The following LRP1B variants were observed in gnomAD, a reference collection of about 807,000 sequenced individuals.
The protein encoded by LRP1B is LDL receptor related protein 1B, also known as low-density lipoprotein receptor-related protein 1B.
In LRP1B, 217 loss-of-function variants were observed where a neutral mutation model predicts 556.6. That is an observed-to-expected ratio of 0.39 (90% CI 0.35 to 0.44). LRP1B has a LOEUF of 0.44. LRP1B is among the 20% of genes least tolerant of loss of function. The pLI, the probability that LRP1B is intolerant of heterozygous loss-of-function variation, is 1.00. For synonymous variants in LRP1B, 2,047 were observed against 1,865.8 expected, an observed-to-expected ratio of 1.10 and a Z score of -2.50; for missense variants, 5,053 against 5,620.8, an observed-to-expected ratio of 0.90 and a Z score of 3.23.
chr2:140,418,813 A>G (rs1685309095), intron 66 of LRP1B, among the ~76,000 whole-genome samples: 1 of 152,118 alleles, frequency 6.6e-6, no homozygotes, highest in East Asian at 1.9e-4. Flanking sequence ...TGTGGCTTGA[A>G]TCATCCCAAA....
chr2:140,234,524 A>C (rs1031863807), intron 90 of LRP1B, among the ~76,000 whole-genome samples: 2 of 151,310 alleles, frequency 1.3e-5, no homozygotes, highest in Admixed American at 1.3e-4. Context: ...ACAAATACTC[A>C]TGTTCACTGT....
intron 2 of LRP1B, among the ~76,000 whole-genome samples, chr2:141,703,180 T>C (rs1692008244): frequency 6.6e-6 from 1 of 151,890 alleles, no homozygotes; most frequent in Non-Finnish European, 1.5e-5. Context: ...ATTAGAAAAG[T>C]GTATGAATAA....
At chr2:142,029,357 A>G (rs1047753457) in intron 1 of LRP1B, among the ~76,000 whole-genome samples, 4 of 151,918 alleles carry the variant, frequency 2.6e-5, no homozygotes, top group African/African-American at 9.7e-5. Context: ...CTTTACTGAA[A>G]GTTGGCCAAG....
chr2:140,432,214 C>T (rs1179851128), intron 66 of LRP1B, among the ~76,000 whole-genome samples: 1 of 152,152 alleles, frequency 6.6e-6, no homozygotes, highest in African/African-American at 2.4e-5. Context: ...CCCACATCTG[C>T]CCACCAGAGA....
intron 6 of LRP1B, among the ~76,000 whole-genome samples, chr2:141,196,273 C>T (rs34452078): frequency 0.034 from 5,161 of 152,120 alleles, 142 homozygotes; most frequent in South Asian, 0.059. Flanking sequence ...ATTGTTTTGG[C>T]TACGTCAAGT....
chr2:142,088,993 A>T (rs5020563), intron 1 of LRP1B, among the ~76,000 whole-genome samples: 1 of 62,808 alleles, frequency 1.6e-5, no homozygotes, highest in African/African-American at 5.5e-5. Context: ...AAAAAAAAAA[A>T]AAAGAAAAAG....
At chr2:141,021,469 T>C (rs1698062236) in intron 11 of LRP1B, among the ~76,000 whole-genome samples, 1 of 152,016 alleles carries the variant, frequency 6.6e-6, no homozygotes, top group African/African-American at 2.4e-5. Context: ...TGCCTATGCT[T>C]AGAAAAAGAA....
chr2:141,895,799 A>G (rs894417678), intron 1 of LRP1B, among the ~76,000 whole-genome samples: 1 of 152,172 alleles, frequency 6.6e-6, no homozygotes, highest in African/African-American at 2.4e-5. Context: ...GACACATTTT[A>G]TGCTGTTGAG....
intron 1 of LRP1B, among the ~76,000 whole-genome samples, chr2:141,903,812 T>C (rs1161096662): frequency 1.3e-5 from 2 of 151,928 alleles, no homozygotes; most frequent in Middle Eastern, 3.2e-3. Context: ...AACAGTATTA[T>C]AAAGAAACAA....
intron 3 of LRP1B, among the ~76,000 whole-genome samples, chr2:141,462,780 A>C (rs1681933017): frequency 6.6e-6 from 1 of 151,886 alleles, no homozygotes; most frequent in Non-Finnish European, 1.5e-5. Flanking sequence ...TATTGTTACT[A>C]TACTAGTAGT....
At chr2:141,842,588 C>T (rs1697511967) in intron 1 of LRP1B, among the ~76,000 whole-genome samples, 1 of 152,002 alleles carries the variant, frequency 6.6e-6, no homozygotes, top group South Asian at 2.1e-4. Flanking sequence ...TTAAATGTGT[C>T]AATTATGATT....
intron 1 of LRP1B, among the ~76,000 whole-genome samples, chr2:141,861,299 C>T (rs1698231482): frequency 6.6e-6 from 1 of 152,164 alleles, no homozygotes; most frequent in South Asian, 2.1e-4. Context: ...ACCAATAGGA[C>T]TCTGTCTGGA....
chr2:141,819,297 T>A (rs1696677872), intron 1 of LRP1B, among the ~76,000 whole-genome samples: 1 of 152,088 alleles, frequency 6.6e-6, no homozygotes, highest in Admixed American at 6.6e-5. Flanking sequence ...ACTTTTTCTT[T>A]CTCTATCACT....
intron 35 of LRP1B, among the ~76,000 whole-genome samples, chr2:140,768,409 C>T (rs980527228): frequency 6.6e-6 from 1 of 151,922 alleles, no homozygotes; most frequent in South Asian, 2.1e-4. Context: ...CGTGGAAATG[C>T]ATTTACATGT....
chr2:141,436,862 CA>C (rs1001376369), intron 3 of LRP1B, among the ~76,000 whole-genome samples: 1 of 152,074 alleles, frequency 6.6e-6, no homozygotes, highest in African/African-American at 2.4e-5. Context: ...TAAAGCTACA[CA>C]TATAGTTCTT....
intron 41 of LRP1B, among the ~76,000 whole-genome samples, chr2:140,647,832 C>T (rs1684538641): frequency 6.6e-6 from 1 of 152,136 alleles, no homozygotes; most frequent in Non-Finnish European, 1.5e-5. Flanking sequence ...CACTTTTACA[C>T]TGTTGGTGGG....
chr2:141,188,492 A>G lies in LRP1B; in HGVS notation c.942T>C (p.Gly314=), dbSNP rs760679024. 2.1e-5 allele frequency: 34 copies of G among 1,612,626 alleles called. No homozygotes were observed. Among genetic ancestry groups the G allele is most frequent in the Non-Finnish European group, 2.7e-5 (32 of 1,179,194 alleles). Residue 314 remains glycine, a synonymous_variant, in exon 7 of 91, where the codon GGT becomes GGC. Coordinates refer to ENST00000389484, the MANE Select transcript of LRP1B (RefSeq NM_018557.3). ...GATCAATCAGGGTGACACATACAGA[A>G]CCGTTGGAATTACAAACAAAGATCC... ...GDRIFVCNSN[G]SVCVTLIDLE...
At chr2:141,723,863 T>A (rs573399436) in intron 2 of LRP1B, among the ~76,000 whole-genome samples, 190 of 150,072 alleles carry the variant, frequency 1.3e-3, no homozygotes, top group Middle Eastern at 3.4e-3. Flanking sequence ...AAAGGAAAAA[T>A]ATATATATAT....
intron 2 of LRP1B, among the ~76,000 whole-genome samples, chr2:141,527,820 A>T (rs1559122513): frequency 6.6e-6 from 1 of 152,138 alleles, no homozygotes; most frequent in Non-Finnish European, 1.5e-5. Context: ...TATACTACAG[A>T]GCTTTTCCAG....
Sources: allele counts gnomAD v4.1 joint callset (sites outside exome capture counted in the v4.1 genomes callset), GRCh38; gene constraint gnomAD v4.1.1; transcripts MANE v1.5; gene names NCBI Gene and HGNC (gene_info 2026-07-23, HGNC 2026-07-21).